TP63: variants seen among roughly 807,000 people sequenced by gnomAD.
The protein encoded by TP63 is tumor protein p63.
TP63 carries 17 observed loss-of-function variants against 82.8 expected under a neutral mutation model. That is an observed-to-expected ratio of 0.21 (90% confidence interval 0.14 to 0.31). The LOEUF (loss-of-function observed/expected upper bound fraction) is 0.31. Ranked by LOEUF, TP63 falls within the 10% of genes least tolerant of loss-of-function variation. TP63 has a pLI of 1.00. For missense variants in TP63, 648 were observed against 895.3 expected, an observed-to-expected ratio of 0.72 and a Z score of 3.52; for synonymous variants, 330 against 321.7, an observed-to-expected ratio of 1.03 and a Z score of -0.28.
intron 4 of TP63, among the ~76,000 whole-genome samples, chr3:189,833,825 TA>T (rs371551524): frequency 7.6e-4 from 116 of 152,314 alleles, no homozygotes; most frequent in African/African-American, 2.6e-3. Context: ...ATTTAAAAAT[TA>T]GAGCAGCATT....
At chr3:189,870,630 G>C (rs536681866) in intron 9 of TP63, among the ~76,000 whole-genome samples, 1 of 152,258 alleles carries the variant, frequency 6.6e-6, no homozygotes, top group Non-Finnish European at 1.5e-5. Context: ...TATTATGTAA[G>C]AACCTCATTA....
rs6791006 is a variant in TP63 at position 189,793,620 on chromosome 3, T to A, written c.325-14652T>A. Among the ~76,000 whole-genome samples, 1,276 of 152,198 alleles carry A rather than the reference T, an allele frequency of 8.4e-3. 27 individuals carry two copies. Among genetic ancestry groups the A allele is most frequent in the African/African-American group, 0.029 (1,198 of 41,540 alleles). On this transcript the variant is annotated intron_variant, in intron 3 of 13. Transcript: ENST00000264731. Reference sequence around the variant, plus strand: ...TGATTGCTCTGGGTGGAATCTGAGCTGGTAGAATAGAGGGGCACAGGTAAA... The same window carrying A: ...TGATTGCTCTGGGTGGAATCTGAGCAGGTAGAATAGAGGGGCACAGGTAAA...
rs766447223 is a variant in TP63, at chr3:189,872,861, G to T, written c.1215G>T (p.Val405=). The T allele has an allele frequency of 1.9e-6, 3 of 1,614,138 alleles. No homozygotes were observed. The South Asian group carries it at 3.3e-5, about 18-fold the overall frequency. ...TTTCCTTCTGCTCACTTCCATAGGT[G>T]AGGGGCCGTGAGACTTATGAAATGC... ...SPDDELLYLP[V]RGRETYEMLL... is the part of the protein sequence containing the mutation. The change falls in exon 10 of 14, where the codon GTG becomes GTT. Residue 405 remains valine, a splice_region_variant and synonymous_variant. Transcript: ENST00000264731.
chr3:189,796,466 A>G (rs1560192090), intron 3 of TP63, among the ~76,000 whole-genome samples: 1 of 151,954 alleles, frequency 6.6e-6, no homozygotes, highest in South Asian at 2.1e-4. Flanking sequence ...ACTTGATTTA[A>G]AGCCAAAGGG....
intron 1 of TP63, among the ~76,000 whole-genome samples, chr3:189,657,671 G>A (rs1713504257): frequency 6.6e-6 from 1 of 152,076 alleles, no homozygotes; most frequent in African/African-American, 2.4e-5. Context: ...CAACAGATAA[G>A]CAATGAAAGA....
Position 189,875,611 on chromosome 3 carries a change from T to TATATATACACAC in TP63, c.1349+2623_1349+2624insCACACATATATA, listed in dbSNP as rs1553859675. Among the ~76,000 whole-genome samples the TATATATACACAC allele has an allele frequency of 1.0e-4, 8 of 77,036 alleles. 1 individual carries two copies. The highest frequency in any genetic ancestry group is 3.8e-4 in the South Asian group (1 of 2,626). 50.5% of individuals were successfully genotyped at this position (77,036 alleles called of 152,430 possible). On this transcript the variant is annotated intron_variant, in intron 10 of 13. Coordinates refer to ENST00000264731, the MANE Select transcript of TP63 (RefSeq NM_003722.5). Reference sequence around the variant, plus strand: ...ATACATACATATATATATATATATATATATATATATATATATATATATATA... The same window carrying TATATATACACAC: ...ATACATACATATATATATATATATATATATATACACACATATATATATATATATATATATATA...
At chr3:189,635,779 C>A (rs984981964) in intron 1 of TP63, among the ~76,000 whole-genome samples, 1 of 152,054 alleles carries the variant, frequency 6.6e-6, no homozygotes, top group African/African-American at 2.4e-5. Flanking sequence ...TTTTTCTTGC[C>A]AGTATCATGC....
intron 3 of TP63, among the ~76,000 whole-genome samples, chr3:189,759,893 C>T (rs756017734): frequency 2.0e-5 from 3 of 152,114 alleles, no homozygotes; most frequent in Admixed American, 6.6e-5. Context: ...AGAGGCCTCA[C>T]GATCATGGTG....
chr3:189,738,948 G>A, intron 3 of TP63, 174 bp downstream of exon 3: 9 of 860,590 alleles, frequency 1.0e-5, no homozygotes, highest in South Asian at 1.6e-5. Flanking sequence ...TGCATTCTGG[G>A]TCTGCCGCAA....
In TP63 at chr3:189,644,581, A is replaced by T. The variant is rs181392052; in HGVS notation, c.62+13004A>T. ...GGGAACGTGGTTTTTGGTTACATGG[A>T]TACGTTTTTTAATGCTGATTTCTGG... is the stretch of plus-strand genomic sequence containing the variant. On this transcript the variant is annotated intron_variant, in intron 1 of 13. Transcript: ENST00000264731. Among the ~76,000 whole-genome samples, 246 of 152,076 alleles carry T rather than the reference A, an allele frequency of 1.6e-3. 1 individual carries two copies. Among genetic ancestry groups the T allele is most frequent in the Middle Eastern group, 6.8e-3 (2 of 294 alleles).
chr3:189,611,082 G>T, the TP63 span, among the ~76,000 whole-genome samples: 1 of 152,054 alleles, frequency 6.6e-6, no homozygotes, highest in Non-Finnish European at 1.5e-5. Context: ...TTTGGATGGG[G>T]ACACAGCCAA....
At chr3:189,671,617 G>A (rs574976771) in intron 1 of TP63, among the ~76,000 whole-genome samples, 2 of 152,134 alleles carry the variant, frequency 1.3e-5, no homozygotes, top group South Asian at 2.1e-4. Context: ...ATTTAAAATA[G>A]CCAAAATATG....
intron 1 of TP63, among the ~76,000 whole-genome samples, chr3:189,653,020 A>G (rs1560086363): frequency 6.7e-6 from 1 of 149,214 alleles, no homozygotes; most frequent in Non-Finnish European, 1.5e-5. Context: ...GTGATAATGG[A>G]CTAATATAAT....
At chr3:189,811,040 C>T (rs925060571) in intron 4 of TP63, among the ~76,000 whole-genome samples, 2 of 152,014 alleles carry the variant, frequency 1.3e-5, no homozygotes, top group African/African-American at 2.4e-5. Flanking sequence ...TTACATGTGA[C>T]AGCAGTAATA....
intron 3 of TP63, among the ~76,000 whole-genome samples, chr3:189,807,159 T>C (rs763274109): frequency 6.6e-6 from 1 of 152,214 alleles, no homozygotes. Context: ...AACTGTACCA[T>C]AAGCTGGTTG....
chr3:189,764,862 T>C (rs1722823150), intron 3 of TP63, among the ~76,000 whole-genome samples: 1 of 152,156 alleles, frequency 6.6e-6, no homozygotes, highest in South Asian at 2.1e-4. Context: ...AAACTAGAAA[T>C]AAGACCCATG....
chr3:189,686,588 G>GAATA (rs369758977), intron 1 of TP63, among the ~76,000 whole-genome samples: 2,329 of 147,184 alleles, frequency 0.016, 48 homozygotes, highest in African/African-American at 0.053. Context: ...AGTGGAAAAA[G>GAATA]AATAAATAAA....
the TP63 span, among the ~76,000 whole-genome samples, chr3:189,618,984 C>T: frequency 7.9e-5 from 12 of 152,220 alleles, no homozygotes; most frequent in South Asian, 1.0e-3. Context: ...TTAAAGCCCA[C>T]GTCATAAGAA....
At chr3:189,706,926 C>G (rs1403369390) in intron 1 of TP63, among the ~76,000 whole-genome samples, 1 of 152,220 alleles carries the variant, frequency 6.6e-6, no homozygotes, top group East Asian at 1.9e-4. Flanking sequence ...ACAATTTCTC[C>G]TACACGCTGA....
Sources: gnomAD v4.1 joint callset for allele counts (sites outside exome capture counted in the v4.1 genomes callset) on GRCh38, gnomAD v4.1.1 for gene constraint, MANE v1.5 for transcripts, NCBI Gene and HGNC (gene_info 2026-07-23, HGNC 2026-07-21) for gene names.